The following TRPM3 variants were observed in gnomAD, a reference collection of about 807,000 sequenced individuals.
The protein encoded by TRPM3 is transient receptor potential cation channel subfamily M member 3.
A neutral mutation model predicts 181.2 loss-of-function variants in TRPM3; 77 were observed. The observed-to-expected ratio is 0.42, with a 90% CI of 0.35 to 0.51. TRPM3 has a LOEUF of 0.51. Among genes scored for constraint, TRPM3 ranks in the 20% least tolerant of loss-of-function variants. The pLI, the probability that TRPM3 is intolerant of heterozygous loss-of-function variation, is 0.01. For synonymous variants in TRPM3, 745 were observed against 796.4 expected (o/e 0.94, Z 1.09); for missense variants, 1,759 against 2,196.7 (o/e 0.80, Z 3.98).
chr9:71,298,471 C>CTTT (rs35085286), intron 1 of TRPM3, among the ~76,000 whole-genome samples: 5 of 144,174 alleles, frequency 3.5e-5, no homozygotes, highest in African/African-American at 1.0e-4. Flanking sequence ...ATAATCTGGT[C>CTTT]TTTTTTTTTT....
chr9:70,828,041 G>A, intron 5 of TRPM3, 23 bp from the exon 6 acceptor site: 2 of 1,591,570 alleles, frequency 1.3e-6, no homozygotes, highest in Non-Finnish European at 1.7e-6. Flanking sequence ...AAATGGAAGA[G>A]GCAGAAGTCA....
In TRPM3 at chr9:71,061,660, TC is replaced by T. The variant is rs1324909417; in HGVS notation, c.177+59517del. Among the ~76,000 whole-genome samples, 5 of 152,078 alleles carry T rather than the reference TC, an allele frequency of 3.3e-5. No individual in the cohort carries two copies. The South Asian group carries it at 6.2e-4, about 19-fold the overall frequency. On this transcript the variant is annotated intron_variant, in intron 1 of 25. Coordinates refer to ENST00000677713, the MANE Select transcript of TRPM3 (RefSeq NM_001366145.2). ...TGAGGTACTCAGTCTCTAGTGAGCATCCCTGGCAGACAGCATTTCATATGTG... is the reference window on the plus strand; with the variant it reads ...TGAGGTACTCAGTCTCTAGTGAGCATCCTGGCAGACAGCATTTCATATGTG...
At chr9:71,046,503 TTCTATTTTAAG>T (rs1176788079) in intron 1 of TRPM3, among the ~76,000 whole-genome samples, 1 of 152,210 alleles carries the variant, frequency 6.6e-6, no homozygotes, top group African/African-American at 2.4e-5. Flanking sequence ...GAAAGGGCAC[TTCTATTTTAAG>T]TATCTAAATA....
intron 1 of TRPM3, among the ~76,000 whole-genome samples, chr9:71,283,549 C>T (rs879413490): frequency 8.5e-5 from 13 of 152,272 alleles, no homozygotes; most frequent in South Asian, 2.1e-4. Flanking sequence ...CGTGATCCCC[C>T]GCCTTGGCCT....
At chr9:71,312,826 G>A (rs1303531858) in intron 1 of TRPM3, among the ~76,000 whole-genome samples, 1 of 152,044 alleles carries the variant, frequency 6.6e-6, no homozygotes, top group Non-Finnish European at 1.5e-5. Flanking sequence ...GATTCCAGCT[G>A]TATGACATTC....
chr9:71,142,112 T>C (rs542638755), intron 1 of TRPM3, among the ~76,000 whole-genome samples: 52 of 152,322 alleles, frequency 3.4e-4, no homozygotes, highest in African/African-American at 1.1e-3. Context: ...GGGTCAAGAA[T>C]AACAAATGCA....
chr9:70,606,199 T>TATCTA (rs2061064129), intron 19 of TRPM3, among the ~76,000 whole-genome samples: 1 of 152,224 alleles, frequency 6.6e-6, no homozygotes, highest in South Asian at 2.1e-4. Context: ...TCTATATATC[T>TATCTA]ATCTATCTGT....
chr9:71,123,721 T>A (rs2073867959), upstream of TRPM3, among the ~76,000 whole-genome samples: 1 of 152,212 alleles, frequency 6.6e-6, no homozygotes, highest in Admixed American at 6.5e-5. Flanking sequence ...GTGGTTTTCC[T>A]CATGCAGTGT....
intron 10 of TRPM3, 49 bp downstream of exon 10, chr9:70,640,511 C>T (rs747118681): frequency 4.0e-6 from 6 of 1,504,442 alleles, no homozygotes; most frequent in Middle Eastern, 1.7e-4. Context: ...AAACAAATAC[C>T]CTTGGCCAAC....
chr9:70,668,553 T>C (rs1287672356), intron 9 of TRPM3, among the ~76,000 whole-genome samples: 1 of 151,622 alleles, frequency 6.6e-6, no homozygotes, highest in Non-Finnish European at 1.5e-5. Context: ...TAGTCCCAGC[T>C]ACGCGGGAGG....
chr9:71,208,231 C>A (rs1441336517), intron 1 of TRPM3, among the ~76,000 whole-genome samples: 3 of 152,068 alleles, frequency 2.0e-5, no homozygotes, highest in African/African-American at 4.8e-5. Flanking sequence ...TTGACACTCA[C>A]CTTAGCTGGA....
chr9:71,121,333 CG>C lies in TRPM3; in HGVS notation c.21del (p.Val8PhefsTer4), dbSNP rs2073609728. On this transcript the variant is annotated frameshift_variant, in exon 1 of 26. Transcript: ENST00000677713. LOFTEE classifies it high-confidence loss of function. ...ACCTGAGCAATGCCTAGAAAATAAA[CG>C]GTCCCCCACGGCTCTGGCATCCCAT... MPEPWG[T>X]VYFLGIAQVF... 1 of 1,613,818 alleles carries C rather than the reference CG, an allele frequency of 6.2e-7. No individual in the cohort carries two copies. Among genetic ancestry groups the C allele is most frequent in the East Asian group, 2.2e-5 (1 of 44,780 alleles).
At chr9:71,431,530 A>G (rs1411932036) in intron 1 of TRPM3, among the ~76,000 whole-genome samples, 1 of 152,188 alleles carries the variant, frequency 6.6e-6, no homozygotes, top group African/African-American at 2.4e-5. Flanking sequence ...GCCAACTTCA[A>G]GAAGAAATCA....
intron 1 of TRPM3, among the ~76,000 whole-genome samples, chr9:71,425,466 T>C (rs2093847134): frequency 6.6e-6 from 1 of 152,160 alleles, no homozygotes; most frequent in African/African-American, 2.4e-5. Context: ...TTGATTCATG[T>C]GCCTCTCTTA....
At chr9:71,072,930 A>G (rs937172735) in intron 1 of TRPM3, among the ~76,000 whole-genome samples, 13 of 151,664 alleles carry the variant, frequency 8.6e-5, no homozygotes, top group African/African-American at 3.1e-4. Flanking sequence ...CCTCCTCCCT[A>G]CTCTTTCTAC....
intron 6 of TRPM3, chr9:70,811,142 A>G: frequency 6.4e-7 from 1 of 1,564,430 alleles, no homozygotes; most frequent in East Asian, 2.3e-5. Context: ...TTAAGAAGAA[A>G]TTCACATTTT....
At chr9:70,660,479 T>C (rs76368441) in intron 9 of TRPM3, among the ~76,000 whole-genome samples, 6 of 152,084 alleles carry the variant, frequency 3.9e-5, no homozygotes, top group South Asian at 2.1e-4. Context: ...CCTACATATG[T>C]TGACTGATGT....
intron 1 of TRPM3, among the ~76,000 whole-genome samples, chr9:71,425,158 G>T (rs1160744335): frequency 1.3e-5 from 2 of 151,858 alleles, no homozygotes; most frequent in African/African-American, 4.8e-5. Context: ...AATCCACAAG[G>T]CTCTTTCCTA....
At chr9:71,435,618 C>A (rs188668425) in intron 1 of TRPM3, among the ~76,000 whole-genome samples, 1 of 152,216 alleles carries the variant, frequency 6.6e-6, no homozygotes. Context: ...TAGAGAGAAT[C>A]ATTCAACACC....
Sources: allele counts gnomAD v4.1 joint callset (sites outside exome capture counted in the v4.1 genomes callset), GRCh38; gene constraint gnomAD v4.1.1; transcripts MANE v1.5; gene names NCBI Gene and HGNC (gene_info 2026-07-23, HGNC 2026-07-21).